ADGRE5: variants seen among roughly 807,000 people sequenced by gnomAD.
The protein encoded by ADGRE5 is CD97 molecule.
ADGRE5 carries 72 observed loss-of-function variants against 100.3 expected under a neutral mutation model. That is an observed-to-expected ratio of 0.72 (90% confidence interval 0.59 to 0.87). The LOEUF (loss-of-function observed/expected upper bound fraction) is 0.87. ADGRE5 is among the 40% of genes least tolerant of loss of function. ADGRE5 has a pLI of 0.00. For synonymous variants in ADGRE5, 439 were observed against 447.8 expected (o/e 0.98, Z 0.25); for missense variants, 959 against 1,094.7 (o/e 0.88, Z 1.75).
Position 14,407,230 on chromosome 19 carries a change from G to A in ADGRE5, c.2376+1G>A. On this transcript the variant is annotated splice_donor_variant, in intron 18 of 19. Coordinates refer to ENST00000242786, the MANE Select transcript of ADGRE5 (RefSeq NM_078481.4). LOFTEE classifies it high-confidence loss of function. The stretch of plus-strand genomic sequence containing the variant: ...GCTGCACTGCCTGCTCAACAAGAAG[G>A]TGGGGGCCTGGGCACAGTGGCGCAC... 6.2e-7 allele frequency: 1 copy of A among 1,613,950 alleles called. No individual in the cohort carries two copies. The highest frequency in any genetic ancestry group is 8.5e-7 in the Non-Finnish European group (1 of 1,179,988).
chr19:14,384,623 T>C (rs1355664836), intron 1 of ADGRE5, among the ~76,000 whole-genome samples: 6 of 61,546 alleles, frequency 9.7e-5, no homozygotes, highest in African/African-American at 3.9e-4. Context: ...ACGCCCTCCG[T>C]TCCCCTGCCC....
intron 11 of ADGRE5, among the ~76,000 whole-genome samples, chr19:14,402,254 G>T (rs1257151041): frequency 5.9e-5 from 9 of 151,984 alleles, no homozygotes; most frequent in Non-Finnish European, 1.2e-4. Flanking sequence ...GGCCAAGATG[G>T]TGAAACCCCA....
Position 14,402,940 on chromosome 19 carries a change from T to C in ADGRE5, c.1449+78T>C, listed in dbSNP as rs1036429052. ...TGCTGGGCCTCTCTCTGGGATGCTCTTTCCCGACGTGACTCAGTCTTTTAT... is the reference window on the plus strand; with the variant it reads ...TGCTGGGCCTCTCTCTGGGATGCTCCTTCCCGACGTGACTCAGTCTTTTAT... On this transcript the variant is annotated intron_variant, in intron 12 of 19. Transcript: ENST00000242786. 2.1e-6 allele frequency: 3 copies of C among 1,414,708 alleles called. No individual in the cohort carries two copies. The African/African-American group carries it at 4.2e-5, about 20-fold the overall frequency. The allele number at this position is 1,414,708 out of a possible 1,614,324, so 87.6% of individuals were successfully genotyped here. A position where few individuals can be genotyped will look rare whatever the true frequency, so the allele number is the denominator to read the frequency against.
rs777131793 is a variant in ADGRE5 at position 14,407,146 on chromosome 19, T to C, written c.2293T>C (p.Leu765=). Residue 765 remains leucine (L), a synonymous_variant, in exon 18 of 20, where the codon TTG becomes CTG. Transcript: ENST00000242786. ...FGLFIFDDRS[L]VLTYVFTILN... is the part of the protein sequence containing the mutation. ...CCTGTTCATCTTCGACGATCGGAGC[T>C]TGGTGCTGACCTATGTGTTTACCAT... 7 of 1,614,028 alleles carry C rather than the reference T, an allele frequency of 4.3e-6. No homozygotes were observed. Among genetic ancestry groups the C allele is most frequent in the Non-Finnish European group, 5.9e-6 (7 of 1,180,038 alleles).
chr19:14,406,285 C>T lies in ADGRE5; in HGVS notation c.1822-46C>T. 2.1e-6 allele frequency: 3 copies of T among 1,429,404 alleles called. No homozygotes were observed. Among genetic ancestry groups the T allele is most frequent in the Non-Finnish European group, 1.9e-6 (2 of 1,057,218 alleles). 88.5% of individuals were successfully genotyped at this position (1,429,404 alleles called of 1,614,324 possible). A position where few individuals can be genotyped will look rare whatever the true frequency, so the allele number is the denominator to read the frequency against. On this transcript the variant is annotated intron_variant, in intron 14 of 19. Coordinates refer to ENST00000242786, the MANE Select transcript of ADGRE5 (RefSeq NM_078481.4). This position sits in a 1 kb window ranked among gnomAD's most constrained non-coding sequence, Gnocchi z 6.0. Reference sequence around the variant, plus strand: ...GCGACTGGCTCTGGCGCCGCATGCCCCTCCCCGCGCTGACGTCGCTCCGCC... The same window carrying T: ...GCGACTGGCTCTGGCGCCGCATGCCTCTCCCCGCGCTGACGTCGCTCCGCC...
intron 3 of ADGRE5, among the ~76,000 whole-genome samples, chr19:14,389,386 G>C: frequency 1.1e-5 from 1 of 92,086 alleles, no homozygotes; most frequent in Admixed American, 1.1e-4. Context: ...GGAAGGGGAG[G>C]GGGAGGCAGA....
intron 18 of ADGRE5, among the ~76,000 whole-genome samples, chr19:14,407,692 G>A (rs546652647): frequency 1.3e-5 from 2 of 151,836 alleles, no homozygotes; most frequent in East Asian, 3.9e-4. Context: ...CTTCTCAGGA[G>A]GCTGGGGCAA....
At chr19:14,387,599 A>G (rs1000754494) in intron 1 of ADGRE5, among the ~76,000 whole-genome samples, 20 of 151,784 alleles carry the variant, frequency 1.3e-4, no homozygotes, top group African/African-American at 4.4e-4. Context: ...GTGGTGGTGG[A>G]CGCCTGTAGT....
intron 13 of ADGRE5, chr19:14,405,373 C>T: frequency 5.3e-6 from 1 of 189,530 alleles, no homozygotes; most frequent in Non-Finnish European, 1.1e-5. Flanking sequence ...GAACTCCTGA[C>T]CTCAGGTGAT....
chr19:14,408,307 G>T lies in ADGRE5; in HGVS notation c.*186G>T, dbSNP rs1014947145. ...AGTCCAGGACACCCAGTGGGGTGGAGTCGGAGCCACTGGTCCTGCTGCTGG... is the reference window on the plus strand; with the variant it reads ...AGTCCAGGACACCCAGTGGGGTGGATTCGGAGCCACTGGTCCTGCTGCTGG... On this transcript the variant is annotated 3_prime_UTR_variant, in exon 20 of 20. Coordinates refer to ENST00000242786, the MANE Select transcript of ADGRE5 (RefSeq NM_078481.4). 4 of 686,266 alleles carry T rather than the reference G, an allele frequency of 5.8e-6. No homozygotes were observed. The African/African-American group carries it at 7.0e-5, about 12-fold the overall frequency. 42.5% of individuals were successfully genotyped at this position (686,266 alleles called of 1,614,324 possible). A position where few individuals can be genotyped will look rare whatever the true frequency, so the allele number is the denominator to read the frequency against.
At chr19:14,404,275 C>A in intron 12 of ADGRE5, 108 bp from the exon 13 acceptor site, 2 of 979,110 alleles carry the variant, frequency 2.0e-6, no homozygotes, top group Non-Finnish European at 3.0e-6. Flanking sequence ...AGTAGGCGCT[C>A]GGTCAATACT....
chr19:14,408,111 C>G lies in ADGRE5; in HGVS notation c.2498C>G (p.Ser833Cys). Reference protein sequence around the residue: ...NQTRALRASESGI With the variant: ...NQTRALRASECGI ...CTCCAGGCCCTCAGGGCATCAGAGT[C>G]CGGCATATGAAGGCGCATGGTTCTG... Residue 833 changes from serine (S) to cysteine (C), a missense_variant, in exon 20 of 20, where the codon TCC (serine) becomes TGC (cysteine). By Grantham distance (112) the Ser-to-Cys change is moderately radical. Around this residue, in one of 6 missense-constraint regions of ADGRE5, gnomAD observed 428 missense variants for 386.2 expected, o/e 1.11. Transcript: ENST00000242786. The G allele has an allele frequency of 6.2e-7, 1 of 1,613,470 alleles. No individual in the cohort carries two copies. The highest frequency in any genetic ancestry group is 1.1e-5 in the South Asian group (1 of 91,052).
At chr19:14,387,119 A>G (rs1392023066) in intron 1 of ADGRE5, among the ~76,000 whole-genome samples, 1 of 151,782 alleles carries the variant, frequency 6.6e-6, no homozygotes, top group Non-Finnish European at 1.5e-5. Context: ...TCCCACACAC[A>G]CTACACTGGG....
In ADGRE5 at chr19:14,407,117, T is replaced by G; in HGVS notation, c.2264T>G (p.Phe755Cys). 1 of 1,614,162 alleles carries G rather than the reference T, an allele frequency of 6.2e-7. No homozygotes were observed. Among genetic ancestry groups the G allele is most frequent in the Non-Finnish European group, 8.5e-7 (1 of 1,180,040 alleles). ...TTCCTGTTGGGCTGCACCTGGGTCT[T>G]TGGCCTGTTCATCTTCGACGATCGG... is the stretch of plus-strand genomic sequence containing the variant. ...QLFLLGCTWV[F>C]GLFIFDDRSL... Residue 755 changes from phenylalanine (F) to cysteine (C), a missense_variant, in exon 18 of 20, where the codon TTT (phenylalanine) becomes TGT (cysteine). This residue lies in a region of ADGRE5 where 428 missense variants were observed against 386.2 expected (regional missense o/e 1.11). Coordinates refer to ENST00000242786, the MANE Select transcript of ADGRE5 (RefSeq NM_078481.4).
At chr19:14,398,791 G>GT (rs1320923765) in intron 9 of ADGRE5, among the ~76,000 whole-genome samples, 1 of 150,370 alleles carries the variant, frequency 6.7e-6, no homozygotes, top group Non-Finnish European at 1.5e-5. Flanking sequence ...CTGGGCCTCG[G>GT]TTTTCTCATC....
At chr19:14,394,121 C>T (rs1390714357) in intron 4 of ADGRE5, among the ~76,000 whole-genome samples, 1 of 152,140 alleles carries the variant, frequency 6.6e-6, no homozygotes, top group Non-Finnish European at 1.5e-5. Context: ...GTGTTAGAAA[C>T]AGGCCTGGGC....
intron 4 of ADGRE5, among the ~76,000 whole-genome samples, chr19:14,393,565 G>A (rs1277089737): frequency 2.6e-5 from 4 of 152,332 alleles, no homozygotes; most frequent in South Asian, 4.1e-4. Flanking sequence ...GCAGGGTACC[G>A]AGATCAGGAA....
At chr19:14,404,723 T>A in intron 13 of ADGRE5, 161 bp downstream of exon 13, 1 of 637,276 alleles carries the variant, frequency 1.6e-6, no homozygotes, top group Non-Finnish European at 2.6e-6. Context: ...AGCCTCTTCC[T>A]TTGGCCTCTT....
chr19:14,405,759 G>T lies in ADGRE5; in HGVS notation c.1641G>T (p.Leu547=), dbSNP rs1304983587. Residue 547 remains leucine (L), a synonymous_variant, in exon 14 of 20, where the codon CTG becomes CTT. Transcript: ENST00000242786. ...MAHYDVEDWK[L]TLITRVGLAL... ...GGTGCCACTCCTAGGACTGGAAGCT[G>T]ACCCTGATCACCAGGGTGGGACTGG... 2 of 1,612,814 alleles carry T rather than the reference G, an allele frequency of 1.2e-6. No individual in the cohort carries two copies. The highest frequency in any genetic ancestry group is 2.2e-5 in the South Asian group (2 of 90,922).
Sources: gnomAD v4.1 joint callset for allele counts (sites outside exome capture counted in the v4.1 genomes callset) on GRCh38, gnomAD v4.1.1 for gene constraint, gnomAD v4.1.1 regional missense constraint, Gnocchi (gnomAD v3.1) non-coding constraint, MANE v1.5 for transcripts, NCBI Gene and HGNC (gene_info 2026-07-23, HGNC 2026-07-21) for gene names.